PHACTR2: variants seen among roughly 807,000 people sequenced by gnomAD.
The protein encoded by PHACTR2 is chromosome 6 open reading frame 56.
PHACTR2 carries 30 observed loss-of-function variants against 76.0 expected under a neutral mutation model. The ratio of observed to expected loss-of-function variants is 0.39; its 90% CI spans 0.30 to 0.54. The LOEUF (loss-of-function observed/expected upper bound fraction) is 0.54. PHACTR2 is among the 20% of genes least tolerant of loss of function. PHACTR2 has a pLI of 0.61. For synonymous variants in PHACTR2, 292 were observed against 292.5 expected, an observed-to-expected ratio of 1.00 and a Z score of 0.02; for missense variants, 696 against 781.1, an observed-to-expected ratio of 0.89 and a Z score of 1.30.
intron 2 of PHACTR2, among the ~76,000 whole-genome samples, chr6:143,728,440 C>A (rs1008816072): frequency 6.6e-6 from 1 of 151,838 alleles, no homozygotes; most frequent in Non-Finnish European, 1.5e-5. Flanking sequence ...TTTCAAACTC[C>A]TGGGCTCAAG....
At chr6:143,572,220 A>G (rs1190132822) in intron 1 of PHACTR2, among the ~76,000 whole-genome samples, 2 of 152,102 alleles carry the variant, frequency 1.3e-5, no homozygotes, top group African/African-American at 4.8e-5. Context: ...TTAGCTCCTC[A>G]CTGGCTTGAA....
rs764010561 is a variant in PHACTR2, at chr6:143,608,320, C to T, written c.11C>T (p.Ala4Val). The T allele has an allele frequency of 5.0e-6, 8 of 1,613,940 alleles. No individual in the cohort carries two copies. The Admixed American group carries it at 1.2e-4, about 24-fold the overall frequency. The change falls in exon 1 of 12, where the codon GCC (alanine) becomes GTC (valine). Residue 4 changes from alanine to valine, a missense_variant and splice_region_variant. Ala to Val is a moderately conservative substitution (Grantham distance 64). Coordinates refer to the PHACTR2 transcript ENST00000305766. This position sits in a 1 kb window ranked among gnomAD's most constrained non-coding sequence, Gnocchi z 4.6. Reference sequence around the variant, plus strand: ...CGCCACTCCTGAGACATGGACAACGCCGGTGGGTAAATCAAGCATGAATTC... The same window carrying T: ...CGCCACTCCTGAGACATGGACAACGTCGGTGGGTAAATCAAGCATGAATTC...
chr6:143,731,210 A>C lies in PHACTR2; in HGVS notation c.215-17775A>C, dbSNP rs560258572. Among the ~76,000 whole-genome samples, 2 of 152,184 alleles carry C rather than the reference A, an allele frequency of 1.3e-5. No individual in the cohort carries two copies. Among genetic ancestry groups the C allele is most frequent in the African/African-American group, 4.8e-5 (2 of 41,450 alleles). On this transcript the variant is annotated intron_variant, in intron 2 of 12. Coordinates refer to ENST00000440869, the MANE Select transcript of PHACTR2 (RefSeq NM_001100164.2). The surrounding 1 kb of genome is among the most constrained non-coding windows in gnomAD (Gnocchi z 4.9). ...CAGTTTTTTTCTTTAGACCACTATT[A>C]TGGTTGATTACATTGGCAGATTTTT... is the stretch of plus-strand genomic sequence containing the variant.
chr6:143,638,410 T>C (rs1776503075), intron 1 of PHACTR2, among the ~76,000 whole-genome samples: 1 of 151,988 alleles, frequency 6.6e-6, no homozygotes, highest in South Asian at 2.1e-4. Context: ...CTGGGCATGG[T>C]GGTGCATGCC....
In PHACTR2 at chr6:143,767,549, A is replaced by G. The variant is rs1302038733; in HGVS notation, c.1232+1751A>G. Among the ~76,000 whole-genome samples the G allele has an allele frequency of 1.3e-5, 2 of 152,176 alleles. No homozygotes were observed. Among genetic ancestry groups the G allele is most frequent in the African/African-American group, 4.8e-5 (2 of 41,452 alleles). On this transcript the variant is annotated intron_variant, in intron 6 of 12. Coordinates refer to ENST00000440869, the MANE Select transcript of PHACTR2 (RefSeq NM_001100164.2). This position sits in a 1 kb window ranked among gnomAD's most constrained non-coding sequence, Gnocchi z 4.4. Reference sequence around the variant, plus strand: ...TCTTAGGACATTTTGTGCTGCTGTAATAGAGTACCTGAGACTGGGTAATTT... The same window carrying G: ...TCTTAGGACATTTTGTGCTGCTGTAGTAGAGTACCTGAGACTGGGTAATTT...
Position 143,772,177 on chromosome 6 carries a change from A to C in PHACTR2, c.1233-81A>C. On this transcript the variant is annotated intron_variant, in intron 6 of 12. Coordinates refer to ENST00000440869, the MANE Select transcript of PHACTR2 (RefSeq NM_001100164.2). The surrounding 1 kb of genome is among the most constrained non-coding windows in gnomAD (Gnocchi z 5.4). Reference sequence around the variant, plus strand: ...CAGCCTGAAGGAAGCCCATGAAACTAGAGCTCTTTTTCTTAGTGTCAGTGC... The same window carrying C: ...CAGCCTGAAGGAAGCCCATGAAACTCGAGCTCTTTTTCTTAGTGTCAGTGC... The C allele has an allele frequency of 1.2e-5, 11 of 918,844 alleles. No individual in the cohort carries two copies. The highest frequency in any genetic ancestry group is 1.8e-5 in the Non-Finnish European group (10 of 554,486). 56.9% of individuals were successfully genotyped at this position (918,844 alleles called of 1,614,324 possible). A position where few individuals can be genotyped will look rare whatever the true frequency, so the allele number is the denominator to read the frequency against.
Position 143,765,052 on chromosome 6 carries a change from C to T in PHACTR2, c.695-209C>T, listed in dbSNP as rs542953620. 2.6e-5 allele frequency among the ~76,000 whole-genome samples: 4 copies of T among 152,080 alleles called. No homozygotes were observed. Among genetic ancestry groups the T allele is most frequent in the South Asian group, 2.1e-4 (1 of 4,810 alleles). ...GGACTCTTGTTCCTCTGAGTTTTGC[C>T]GTAAATATCACTTGCTCCTTGCTGG... On this transcript the variant is annotated intron_variant, in intron 5 of 12. Coordinates refer to ENST00000440869, the MANE Select transcript of PHACTR2 (RefSeq NM_001100164.2). This position sits in a 1 kb window ranked among gnomAD's most constrained non-coding sequence, Gnocchi z 4.1.
At chr6:143,651,758 G>C (rs1376115718) in intron 1 of PHACTR2, among the ~76,000 whole-genome samples, 2 of 152,024 alleles carry the variant, frequency 1.3e-5, no homozygotes, top group Non-Finnish European at 2.9e-5. Context: ...TTAATATCTA[G>C]GTGATGGGGT....
chr6:143,559,690 CTTTTTTTTTTTTTTTTTTTTTTTT>C (rs5880566), intron 1 of PHACTR2, among the ~76,000 whole-genome samples: 4 of 31,894 alleles, frequency 1.3e-4, no homozygotes, highest in Non-Finnish European at 1.6e-4. Flanking sequence ...TTTTTCTTTT[CTTTTTTTTTTTTTTTTTTTTTTTT>C]TTTTTTTTTT....
Position 143,730,476 on chromosome 6 carries a change from CA to C in PHACTR2, c.214+18294del, listed in dbSNP as rs1450874906. On this transcript the variant is annotated intron_variant, in intron 2 of 12. Coordinates refer to ENST00000440869, the MANE Select transcript of PHACTR2 (RefSeq NM_001100164.2). This position sits in a 1 kb window ranked among gnomAD's most constrained non-coding sequence, Gnocchi z 4.8. The stretch of plus-strand genomic sequence containing the variant: ...GTCAATTTCCAGTTGTTCCTTGTAT[CA>C]TGCTACCTTATTAAACTCACTTATC... Among the ~76,000 whole-genome samples the C allele has an allele frequency of 1.3e-5, 2 of 152,104 alleles. No homozygotes were observed. The highest frequency in any genetic ancestry group is 4.8e-5 in the African/African-American group (2 of 41,418).
Position 143,816,686 on chromosome 6 carries a change from A to G in PHACTR2, c.1923-6988A>G, listed in dbSNP as rs548802511. Among the ~76,000 whole-genome samples the G allele has an allele frequency of 1.4e-5, 2 of 142,070 alleles. No homozygotes were observed. Among genetic ancestry groups the G allele is most frequent in the African/African-American group, 5.4e-5 (2 of 36,996 alleles). 93.2% of individuals were successfully genotyped at this position (142,070 alleles called of 152,430 possible). A position where few individuals can be genotyped will look rare whatever the true frequency, so the allele number is the denominator to read the frequency against. The stretch of plus-strand genomic sequence containing the variant: ...TCCATGGGCAAATGGTGTGTGCAGG[A>G]AAAAAAAAAAAATCTTACACTGTCC... On this transcript the variant is annotated intron_variant, in intron 12 of 12. Transcript: ENST00000440869. This position sits in a 1 kb window ranked among gnomAD's most constrained non-coding sequence, Gnocchi z 4.5.
intron 1 of PHACTR2, among the ~76,000 whole-genome samples, chr6:143,584,604 G>T (rs1215306095): frequency 1.3e-5 from 2 of 152,290 alleles, no homozygotes; most frequent in East Asian, 3.9e-4. Context: ...TGATGTATAG[G>T]ATTTGATGTA....
rs1776096268 is a variant in PHACTR2, at chr6:143,807,761, A to G, written c.1922+628A>G. Among the ~76,000 whole-genome samples the G allele has an allele frequency of 6.6e-6, 1 of 151,962 alleles. No individual in the cohort carries two copies. On this transcript the variant is annotated intron_variant, in intron 12 of 12. Coordinates refer to ENST00000440869, the MANE Select transcript of PHACTR2 (RefSeq NM_001100164.2). The surrounding 1 kb of genome is among the most constrained non-coding windows in gnomAD (Gnocchi z 5.5). ...CGAAGGAGATCGCTATCATCTTACCATTTTTCCCTCAGTCCCTTTCGGTTT... is the reference window on the plus strand; with the variant it reads ...CGAAGGAGATCGCTATCATCTTACCGTTTTTCCCTCAGTCCCTTTCGGTTT...
rs1178652981 is a variant in PHACTR2, at chr6:143,619,352, A to G, written c.13+11030A>G. Among the ~76,000 whole-genome samples, 4 of 152,232 alleles carry G rather than the reference A, an allele frequency of 2.6e-5. No homozygotes were observed. Among genetic ancestry groups the G allele is most frequent in the Admixed American group, 2.6e-4 (4 of 15,284 alleles). The stretch of plus-strand genomic sequence containing the variant: ...CCTCTACGCCCTGGTGAGACCCATT[A>G]TCGGTCTAAGAAACATATAATGAAG... On this transcript the variant is annotated intron_variant, in intron 1 of 11. Coordinates refer to the PHACTR2 transcript ENST00000305766. The surrounding 1 kb of genome is among the most constrained non-coding windows in gnomAD (Gnocchi z 4.5).
chr6:143,769,896 G>C (rs1022715205), intron 6 of PHACTR2, among the ~76,000 whole-genome samples: 1 of 152,122 alleles, frequency 6.6e-6, no homozygotes, highest in African/African-American at 2.4e-5. Flanking sequence ...TATAAAAATA[G>C]ATCTTCTCTT....
In PHACTR2 at chr6:143,743,729, T is replaced by A. The variant is rs930024565; in HGVS notation, c.215-5256T>A. On this transcript the variant is annotated intron_variant, in intron 2 of 12. Coordinates refer to ENST00000440869, the MANE Select transcript of PHACTR2 (RefSeq NM_001100164.2). This position sits in a 1 kb window ranked among gnomAD's most constrained non-coding sequence, Gnocchi z 5.0. ...GTTTTGTGTGTTTCTGTCACAGTTT[T>A]ACAGTGAGGCCATTCAGTACTCAGA... Among the ~76,000 whole-genome samples, 1 of 152,246 alleles carries A rather than the reference T, an allele frequency of 6.6e-6. No homozygotes were observed. The highest frequency in any genetic ancestry group is 1.5e-5 in the Non-Finnish European group (1 of 68,048).
At chr6:143,665,817 T>C (rs1161801830) in intron 1 of PHACTR2, among the ~76,000 whole-genome samples, 1 of 152,234 alleles carries the variant, frequency 6.6e-6, no homozygotes, top group Non-Finnish European at 1.5e-5. Context: ...ATTACTTTGT[T>C]CGAAACTGTC....
intron 9 of PHACTR2, among the ~76,000 whole-genome samples, chr6:143,781,267 G>A (rs1775426255): frequency 6.6e-6 from 1 of 152,158 alleles, no homozygotes; most frequent in African/African-American, 2.4e-5. Context: ...TTCCCTAACT[G>A]CATTTGGCCC....
At chr6:143,574,944 A>C (rs1333574983) in intron 1 of PHACTR2, among the ~76,000 whole-genome samples, 5 of 152,192 alleles carry the variant, frequency 3.3e-5, no homozygotes, top group Non-Finnish European at 7.3e-5. Context: ...GACTTGTGAA[A>C]TTTGGCCAGA....
Sources: allele counts gnomAD v4.1 joint callset (sites outside exome capture counted in the v4.1 genomes callset), GRCh38; gene constraint gnomAD v4.1.1; non-coding constraint Gnocchi (gnomAD v3.1); transcripts MANE v1.5; gene names NCBI Gene and HGNC (gene_info 2026-07-23, HGNC 2026-07-21).